GALNT14: variants seen among roughly 807,000 people sequenced by gnomAD.
The protein encoded by GALNT14 is polypeptide N-acetylgalactosaminyltransferase 14, also known as UDP-GalNAc:polypeptide N-acetylgalactosaminyltransferase 14.
In GALNT14, 60 loss-of-function variants were observed where a neutral mutation model predicts 77.5. That is an observed-to-expected ratio of 0.77 (90% CI 0.63 to 0.96). The LOEUF is 0.96. GALNT14 is among the 40% of genes least tolerant of loss of function. The pLI is 0.00. For missense variants in GALNT14, 710 were observed against 731.0 expected (o/e 0.97, Z 0.33); for synonymous variants, 280 against 281.7 (o/e 0.99, Z 0.06).
At chr2:31,023,386 T>C (rs1416636397) in intron 1 of GALNT14, among the ~76,000 whole-genome samples, 2 of 152,058 alleles carry the variant, frequency 1.3e-5, no homozygotes, top group African/African-American at 4.8e-5. Flanking sequence ...CTGTGCCTCT[T>C]TCCTTACATT....
At chr2:30,936,429 A>T (rs1313973860) in intron 9 of GALNT14, among the ~76,000 whole-genome samples, 1 of 152,176 alleles carries the variant, frequency 6.6e-6, no homozygotes, top group Non-Finnish European at 1.5e-5. Flanking sequence ...AGGCAAAGAG[A>T]ATTATTACAC....
intron 1 of GALNT14, among the ~76,000 whole-genome samples, chr2:31,012,999 T>C (rs1671130449): frequency 2.6e-5 from 4 of 152,124 alleles, no homozygotes; most frequent in Admixed American, 1.3e-4. Context: ...AACCAATAAA[T>C]ACATGTTGAA....
chr2:30,979,356 C>T (rs1400559381), intron 2 of GALNT14, among the ~76,000 whole-genome samples: 3 of 152,042 alleles, frequency 2.0e-5, no homozygotes, highest in African/African-American at 7.2e-5. Flanking sequence ...TGGTGGCACC[C>T]GGCCTGAGAT....
intron 2 of GALNT14, 128 bp from the exon 3 acceptor site, chr2:30,966,430 C>T (rs1668011026): frequency 6.0e-6 from 4 of 668,916 alleles, no homozygotes; most frequent in Admixed American, 4.3e-5. Context: ...GCTTCCCCAG[C>T]TGCAGAGTAC....
At chr2:31,131,233 C>CT (rs1339553678) in intron 1 of GALNT14, among the ~76,000 whole-genome samples, 3 of 152,206 alleles carry the variant, frequency 2.0e-5, no homozygotes, top group African/African-American at 7.2e-5. Context: ...GGGACTCTCT[C>CT]TATCTCCTGC....
intron 1 of GALNT14, among the ~76,000 whole-genome samples, chr2:31,047,517 G>A (rs1673539538): frequency 6.6e-6 from 1 of 152,182 alleles, no homozygotes; most frequent in South Asian, 2.1e-4. Flanking sequence ...TCCTTTCTGA[G>A]GACCCTGTAC....
At chr2:31,114,837 A>T in intron 1 of GALNT14, 1 of 716,942 alleles carries the variant, frequency 1.4e-6, no homozygotes, top group Non-Finnish European at 2.6e-6. Context: ...CCTAAGTCCC[A>T]AAGATAAGGA....
intron 1 of GALNT14, among the ~76,000 whole-genome samples, chr2:31,052,898 T>C (rs1673972644): frequency 6.6e-6 from 1 of 152,186 alleles, no homozygotes; most frequent in African/African-American, 2.4e-5. Context: ...GGGTGTCCAA[T>C]ATCTCATCTG....
At chr2:31,125,275 A>C (rs1244769232) in intron 1 of GALNT14, 3 of 1,510,700 alleles carry the variant, frequency 2.0e-6, no homozygotes. Flanking sequence ...ACAAGAAAGA[A>C]GAGCAACATG....
intron 1 of GALNT14, among the ~76,000 whole-genome samples, chr2:31,059,132 G>C (rs945268803): frequency 6.6e-6 from 1 of 152,220 alleles, no homozygotes; most frequent in African/African-American, 2.4e-5. Context: ...ACAAGTTGGA[G>C]GGTTGAAAAG....
chr2:31,052,830 ATT>A, intron 1 of GALNT14, among the ~76,000 whole-genome samples: 1 of 152,202 alleles, frequency 6.6e-6, no homozygotes, highest in Non-Finnish European at 1.5e-5. Context: ...CATCTCATGC[ATT>A]ATTTGAGATG....
chr2:31,062,532 G>A (rs1000292444), intron 1 of GALNT14, among the ~76,000 whole-genome samples: 1 of 152,194 alleles, frequency 6.6e-6, no homozygotes, highest in South Asian at 2.1e-4. Context: ...ACATGTGCAT[G>A]TGTCTTTATA....
intron 6 of GALNT14, 80 bp from the exon 7 acceptor site, chr2:30,945,950 G>T: frequency 4.4e-6 from 5 of 1,146,466 alleles, no homozygotes; most frequent in South Asian, 2.5e-5. Flanking sequence ...GCCTCGTGAG[G>T]GTAGGGCCAG....
chr2:30,954,931 G>C (rs1667263814), intron 6 of GALNT14, among the ~76,000 whole-genome samples: 5 of 152,242 alleles, frequency 3.3e-5, no homozygotes, highest in Admixed American at 3.3e-4. Context: ...GAGGAACACA[G>C]TACGAATGCT....
At chr2:30,894,763 G>T in the GALNT14 span, among the ~76,000 whole-genome samples, 1 of 152,198 alleles carries the variant, frequency 6.6e-6, no homozygotes. Flanking sequence ...GCAGGGGAGG[G>T]TGGTGAGTGG....
At chr2:31,055,319 T>C (rs72854844) in intron 1 of GALNT14, among the ~76,000 whole-genome samples, 1,555 of 152,348 alleles carry the variant, frequency 0.01, 20 homozygotes, top group African/African-American at 0.035. Context: ...AGAACATAAA[T>C]GGCATGGGCA....
intron 6 of GALNT14, among the ~76,000 whole-genome samples, chr2:30,952,893 C>T (rs1667115608): frequency 6.6e-6 from 1 of 152,166 alleles, no homozygotes. Context: ...CCATCCCCTG[C>T]CAAGGGGTTT....
chr2:30,989,339 C>G (rs532123643), intron 2 of GALNT14, among the ~76,000 whole-genome samples: 1 of 151,740 alleles, frequency 6.6e-6, no homozygotes. Flanking sequence ...CCTCACCATC[C>G]CTGACAACTT....
intron 1 of GALNT14, among the ~76,000 whole-genome samples, chr2:31,068,308 G>A (rs1298695232): frequency 1.3e-5 from 2 of 152,012 alleles, no homozygotes; most frequent in Non-Finnish European, 1.5e-5. Flanking sequence ...CCAACATGGC[G>A]AAACCCCGTC....
Sources: gnomAD v4.1 joint callset for allele counts (sites outside exome capture counted in the v4.1 genomes callset) on GRCh38, gnomAD v4.1.1 for gene constraint, MANE v1.5 for transcripts, NCBI Gene and HGNC (gene_info 2026-07-23, HGNC 2026-07-21) for gene names.